PDILT: variants seen among roughly 807,000 people sequenced by gnomAD.
PDILT encodes protein disulfide-isomerase-like protein of the testis.
PDILT carries 43 observed loss-of-function variants against 53.7 expected under a neutral mutation model. That is an observed-to-expected ratio of 0.80 (90% CI 0.63 to 1.03). The LOEUF (loss-of-function observed/expected upper bound fraction) is 1.03, where lower values mean the gene tolerates loss of function less well. PDILT is among the 50% of genes least tolerant of loss of function. The pLI, the probability that PDILT is intolerant of heterozygous loss-of-function variation, is 0.00. For missense variants in PDILT, 727 were observed against 712.3 expected (o/e 1.02, Z -0.24); for synonymous variants, 282 against 274.2 (o/e 1.03, Z -0.28).
chr16:20,375,413 C>G (rs923517781), intron 4 of PDILT, among the ~76,000 whole-genome samples: 8 of 152,184 alleles, frequency 5.3e-5, no homozygotes, highest in Non-Finnish European at 1.2e-4. Flanking sequence ...CAGATAGTCT[C>G]TCTGTGTTAA....
At chr16:20,374,265 CAGT>C (rs1966350284) in intron 5 of PDILT, among the ~76,000 whole-genome samples, 1 of 151,880 alleles carries the variant, frequency 6.6e-6, no homozygotes, top group Non-Finnish European at 1.5e-5. Context: ...GTTATAAAAT[CAGT>C]AGGGTTGTGG....
Position 20,369,586 on chromosome 16 carries a change from A to G in PDILT, c.1022T>C (p.Leu341Ser), listed in dbSNP as rs1185399721. The G allele has an allele frequency of 6.2e-7, 1 of 1,614,214 alleles. No homozygotes were observed. Reference sequence around the variant, plus strand: ...CATTTTGTACCTGGCGTCAGAGCTCAAGTTTAGGATTTGGACGGATGGGAT... The same window carrying G: ...CATTTTGTACCTGGCGTCAGAGCTCGAGTTTAGGATTTGGACGGATGGGAT... ...VDIPSVQILN[L>S]SSDARYKMPS... Residue 341 changes from leucine (L) to serine (S), a missense_variant, in exon 8 of 12, where the codon TTG becomes TCG. Transcript: ENST00000302451.
At chr16:20,380,141 A>G (rs1010015911) in intron 3 of PDILT, among the ~76,000 whole-genome samples, 2 of 151,658 alleles carry the variant, frequency 1.3e-5, no homozygotes, top group African/African-American at 4.9e-5. Flanking sequence ...CCCTTTCCAC[A>G]CTCCAACGTT....
intron 8 of PDILT, among the ~76,000 whole-genome samples, chr16:20,367,103 CTTCCTTT>C: frequency 1.1e-5 from 1 of 87,498 alleles, no homozygotes; most frequent in South Asian, 3.3e-4. Flanking sequence ...TTCTTTCTTT[CTTCCTTT>C]CTTTCCTTTT....
rs74909022 is a variant in PDILT at position 20,360,303 on chromosome 16, G to A, written c.1506+265C>T. Among the ~76,000 whole-genome samples the A allele has an allele frequency of 7.4e-3, 1,121 of 152,242 alleles. 23 individuals are homozygous for A. The highest frequency in any genetic ancestry group is 0.026 in the African/African-American group (1,086 of 41,546). On this transcript the variant is annotated intron_variant, in intron 11 of 11. Transcript: ENST00000302451. Reference sequence around the variant, plus strand: ...ACCAAGACATCTGGTCAGTGCCAGGGAAGCGGCCCAAGGCAAGGAGCTGTG... The same window carrying A: ...ACCAAGACATCTGGTCAGTGCCAGGAAAGCGGCCCAAGGCAAGGAGCTGTG...
At chr16:20,365,643 T>C (rs903045299) in intron 8 of PDILT, 103 bp from the exon 9 acceptor site, 33 of 1,396,912 alleles carry the variant, frequency 2.4e-5, no homozygotes, top group Non-Finnish European at 3.0e-5. Flanking sequence ...CTCGTGTTTT[T>C]TTCACAAGAG....
intron 2 of PDILT, chr16:20,386,062 T>G (rs1375827462): frequency 6.6e-6 from 1 of 152,036 alleles, no homozygotes; most frequent in Non-Finnish European, 1.5e-5. Context: ...GAGGTTGTGG[T>G]GTTCCCCTGA....
In PDILT at chr16:20,373,411, T is replaced by A. The variant is rs138645850; in HGVS notation, c.682-289A>T. ...TTGTCATGCTGTGTAATCCATCAAATATTAAAATATCTGTGCCAGGGCTGA... is the reference window on the plus strand; with the variant it reads ...TTGTCATGCTGTGTAATCCATCAAAAATTAAAATATCTGTGCCAGGGCTGA... On this transcript the variant is annotated intron_variant, in intron 5 of 11. Transcript: ENST00000302451. 4.0e-3 allele frequency among the ~76,000 whole-genome samples: 609 copies of A among 152,248 alleles called. 5 individuals are homozygous for A. The highest frequency in any genetic ancestry group is 0.014 in the African/African-American group (585 of 41,548).
chr16:20,403,214 T>C (rs1362649802), intron 1 of PDILT, among the ~76,000 whole-genome samples: 7 of 152,206 alleles, frequency 4.6e-5, no homozygotes, highest in Non-Finnish European at 7.3e-5. Flanking sequence ...ACCTCCTTAC[T>C]GATCCTGCCT....
At chr16:20,400,010 ATCTC>A (rs1966709780) in intron 1 of PDILT, among the ~76,000 whole-genome samples, 1 of 138,704 alleles carries the variant, frequency 7.2e-6, no homozygotes, top group Non-Finnish European at 1.5e-5. Context: ...CTTTGAATAT[ATCTC>A]TATCTATCTA....
intron 10 of PDILT, 93 bp from the exon 11 acceptor site, chr16:20,360,750 T>C: frequency 2.2e-6 from 2 of 891,130 alleles, no homozygotes; most frequent in Non-Finnish European, 3.8e-6. Context: ...GTCAAATTCC[T>C]AACAACCCCG....
intron 3 of PDILT, among the ~76,000 whole-genome samples, chr16:20,379,335 C>T (rs1966428896): frequency 6.6e-6 from 1 of 152,070 alleles, no homozygotes; most frequent in Non-Finnish European, 1.5e-5. Flanking sequence ...CACCACACCC[C>T]ACTAATTTTT....
intron 2 of PDILT, among the ~76,000 whole-genome samples, chr16:20,395,366 C>T (rs28427306): frequency 0.15 from 23,153 of 152,116 alleles, 2,254 homozygotes; most frequent in African/African-American, 0.27. Context: ...AGGTGGCTGA[C>T]GTATTTTATC....
chr16:20,368,128 T>G (rs1335377992), intron 8 of PDILT, among the ~76,000 whole-genome samples: 2 of 152,206 alleles, frequency 1.3e-5, no homozygotes, highest in Middle Eastern at 3.4e-3. Context: ...TGGGAGGTAC[T>G]GCAATCTCCG....
At chr16:20,363,268 T>C (rs1383454199) in intron 9 of PDILT, among the ~76,000 whole-genome samples, 1 of 152,166 alleles carries the variant, frequency 6.6e-6, no homozygotes, top group Non-Finnish European at 1.5e-5. Flanking sequence ...ACTCCTGGGC[T>C]CAAGAGATCC....
chr16:20,386,863 C>T (rs1237359925), intron 2 of PDILT, among the ~76,000 whole-genome samples: 2 of 152,128 alleles, frequency 1.3e-5, no homozygotes, highest in African/African-American at 4.8e-5. Context: ...TTTCTGAGGG[C>T]GGAAGCTCAG....
Position 20,374,968 on chromosome 16 carries a change from G to T in PDILT, c.544-9C>A. On this transcript the variant is annotated splice_polypyrimidine_tract_variant and intron_variant, in intron 4 of 11. Transcript: ENST00000302451. ...ACTTCTTCCTCTAAATCCTATTTGG[G>T]AAAGGATGTTTGGAAAGGCTTTGGT... The T allele has an allele frequency of 6.3e-7, 1 of 1,599,042 alleles. No individual in the cohort carries two copies.
chr16:20,369,461 C>T, intron 8 of PDILT, 31 bp downstream of exon 8: 1 of 1,590,092 alleles, frequency 6.3e-7, no homozygotes, highest in Non-Finnish European at 8.6e-7. Flanking sequence ...TTTTGAGGTT[C>T]TGGATAAACC....
At chr16:20,401,683 G>A (rs540258772) in intron 1 of PDILT, among the ~76,000 whole-genome samples, 1 of 152,296 alleles carries the variant, frequency 6.6e-6, no homozygotes, top group South Asian at 2.1e-4. Flanking sequence ...AGGACACTGG[G>A]CCAGTGACCC....
Sources: gnomAD v4.1 joint callset for allele counts (sites outside exome capture counted in the v4.1 genomes callset) on GRCh38, gnomAD v4.1.1 for gene constraint, MANE v1.5 for transcripts, NCBI Gene and HGNC (gene_info 2026-07-23, HGNC 2026-07-21) for gene names.